Variants in LARP4B observed in about 807,000 individuals in gnomAD.
LARP4B encodes la-related protein 4B.
Under a neutral mutation model 89.8 loss-of-function variants are expected in LARP4B, and 12 were observed. The observed-to-expected ratio is 0.13, with a 90% CI of 0.09 to 0.22. The LOEUF (loss-of-function observed/expected upper bound fraction) is 0.22. Ranked by LOEUF, LARP4B falls within the 10% of genes least tolerant of loss-of-function variation. LARP4B has a pLI of 1.00. For synonymous variants in LARP4B, 367 were observed against 363.3 expected, an observed-to-expected ratio of 1.01 and a Z score of -0.12; for missense variants, 757 against 947.7, an observed-to-expected ratio of 0.80 and a Z score of 2.64.
chr10:868,865 C>T (rs900680898), intron 3 of LARP4B, among the ~76,000 whole-genome samples: 7 of 152,178 alleles, frequency 4.6e-5, no homozygotes, highest in Non-Finnish European at 7.3e-5. Flanking sequence ...AATACTTTTC[C>T]TTGCTTCATT....
chr10:916,094 A>G (rs1836813427), intron 1 of LARP4B, among the ~76,000 whole-genome samples: 2 of 152,178 alleles, frequency 1.3e-5, no homozygotes, highest in South Asian at 4.1e-4. Flanking sequence ...ATGGTGTTTA[A>G]CTTTGGGTTA....
At chr10:927,564 GAACTA>G (rs1291825483) in intron 1 of LARP4B, among the ~76,000 whole-genome samples, 1 of 152,186 alleles carries the variant, frequency 6.6e-6, no homozygotes, top group Non-Finnish European at 1.5e-5. Flanking sequence ...AGTTTAAACT[GAACTA>G]AACTCAGACC....
Position 844,955 on chromosome 10 carries a change from GAAAA to G in LARP4B, c.509+18_509+21del. The G allele has an allele frequency of 6.3e-7, 1 of 1,582,258 alleles. No individual in the cohort carries two copies. The highest frequency in any genetic ancestry group is 8.6e-7 in the Non-Finnish European group (1 of 1,161,994). On this transcript the variant is annotated intron_variant, in intron 6 of 17. Transcript: ENST00000316157. Reference sequence around the variant, plus strand: ...ACAATACTAGAAATATCAGGTACTAGAAAAACCACCACCAGCCTTACCTAGATAA... The same window carrying G: ...ACAATACTAGAAATATCAGGTACTAGACCACCACCAGCCTTACCTAGATAA...
At chr10:940,257 TCCGCCTG>T in the LARP4B span, among the ~76,000 whole-genome samples, 2 of 152,204 alleles carry the variant, frequency 1.3e-5, no homozygotes, top group Non-Finnish European at 2.9e-5. Context: ...CCTCAGGTAA[TCCGCCTG>T]CCTTGGCCTC....
Position 834,745 on chromosome 10 carries a change from G to A in LARP4B, c.750+1658C>T, listed in dbSNP as rs540744600. Among the ~76,000 whole-genome samples the A allele has an allele frequency of 3.9e-5, 6 of 152,254 alleles. No homozygotes were observed. The East Asian group carries it at 1.2e-3, about 29-fold the overall frequency. ...AAATCAATGTCTACTGCTAAATGCA[G>A]AAAATTCTCCTTGGTTAAAGTTTTA... On this transcript the variant is annotated intron_variant, in intron 8 of 17. Transcript: ENST00000316157.
intron 5 of LARP4B, among the ~76,000 whole-genome samples, chr10:851,889 A>G (rs1834071978): frequency 6.6e-6 from 1 of 152,064 alleles, no homozygotes; most frequent in Non-Finnish European, 1.5e-5. Flanking sequence ...AACATGGTGA[A>G]ACTCCATCTC....
intron 1 of LARP4B, among the ~76,000 whole-genome samples, chr10:890,151 T>G (rs1486782450): frequency 2.0e-5 from 3 of 152,256 alleles, no homozygotes; most frequent in African/African-American, 7.2e-5. Flanking sequence ...GTAACTATTT[T>G]TGTCTTACTA....
intron 1 of LARP4B, among the ~76,000 whole-genome samples, chr10:896,373 A>ATATATTAT (rs1343581068): frequency 1.2e-4 from 19 of 152,364 alleles, no homozygotes; most frequent in African/African-American, 4.6e-4. Flanking sequence ...CTACCAAAAT[A>ATATATTAT]ATAAAATAAA....
At chr10:882,187 T>C (rs1588959866) in intron 3 of LARP4B, among the ~76,000 whole-genome samples, 1 of 152,142 alleles carries the variant, frequency 6.6e-6, no homozygotes, top group African/African-American at 2.4e-5. Context: ...GTAAATCTAC[T>C]AAAAATAATT....
At chr10:815,237 G>T in intron 15 of LARP4B, 167 bp from the exon 16 acceptor site, 1 of 610,118 alleles carries the variant, frequency 1.6e-6, no homozygotes, top group Non-Finnish European at 2.5e-6. Flanking sequence ...ACTATCCTCT[G>T]CCCCACAGAT....
chr10:926,760 G>A (rs1051232647), intron 1 of LARP4B, among the ~76,000 whole-genome samples: 3 of 152,212 alleles, frequency 2.0e-5, no homozygotes, highest in Admixed American at 2.0e-4. Context: ...AACATGGCCG[G>A]GCGCAGTGGC....
chr10:887,693 AGAGT>A (rs1277738734), intron 1 of LARP4B, among the ~76,000 whole-genome samples: 1 of 152,116 alleles, frequency 6.6e-6, no homozygotes, highest in African/African-American at 2.4e-5. Flanking sequence ...CCTGGGCAAC[AGAGT>A]GAGACTCCAT....
chr10:820,371 C>T (rs926088907), intron 14 of LARP4B: 4 of 165,230 alleles, frequency 2.4e-5, no homozygotes, highest in East Asian at 1.7e-4. Context: ...GGAGAGTATT[C>T]GAAAGTTTTG....
chr10:880,063 C>T (rs1835609367), intron 3 of LARP4B, among the ~76,000 whole-genome samples: 1 of 152,044 alleles, frequency 6.6e-6, no homozygotes, highest in African/African-American at 2.4e-5. Flanking sequence ...CATGAGCCAC[C>T]GCACCTGGCC....
chr10:840,565 T>A (rs998161521), intron 7 of LARP4B, among the ~76,000 whole-genome samples: 2 of 152,252 alleles, frequency 1.3e-5, no homozygotes, highest in African/African-American at 4.8e-5. Flanking sequence ...TAACACAACG[T>A]ATTTATTCTG....
intron 3 of LARP4B, among the ~76,000 whole-genome samples, chr10:878,169 CAG>C (rs1835529767): frequency 6.6e-6 from 1 of 152,186 alleles, no homozygotes; most frequent in South Asian, 2.1e-4. Context: ...GCAGCAGAGT[CAG>C]AGAGGACAGG....
chr10:830,110 G>A lies in LARP4B; in HGVS notation c.862-376C>T, dbSNP rs549157098. On this transcript the variant is annotated intron_variant, in intron 9 of 17. Coordinates refer to ENST00000316157, the MANE Select transcript of LARP4B (RefSeq NM_015155.3). The stretch of plus-strand genomic sequence containing the variant: ...AGTTCAGGAAATACCAGACAGGAAG[G>A]AAAAGGATTAGGATCATAACATCCA... Among the ~76,000 whole-genome samples the A allele has an allele frequency of 1.2e-3, 189 of 152,288 alleles. 1 individual carries two copies. The highest frequency in any genetic ancestry group is 2.5e-3 in the South Asian group (12 of 4,820).
At chr10:959,941 C>G in the LARP4B span, among the ~76,000 whole-genome samples, 5,900 of 149,290 alleles carry the variant, frequency 0.04, 154 homozygotes, top group Admixed American at 0.076. Flanking sequence ...CCTCGTCAAT[C>G]CCACCTCCTC....
intron 14 of LARP4B, chr10:818,801 T>A (rs1203543309): frequency 1.3e-5 from 2 of 152,226 alleles, no homozygotes; most frequent in African/African-American, 4.8e-5. Flanking sequence ...GAAGCAAAGA[T>A]CTCATGGGAT....
Sources: allele counts gnomAD v4.1 joint callset (sites outside exome capture counted in the v4.1 genomes callset), GRCh38; gene constraint gnomAD v4.1.1; transcripts MANE v1.5; gene names NCBI Gene and HGNC (gene_info 2026-07-23, HGNC 2026-07-21).